The following SPP2 variants were observed in gnomAD, a reference collection of about 807,000 sequenced individuals.
SPP2 encodes the protein secreted phosphoprotein 24.
A neutral mutation model predicts 28.8 loss-of-function variants in SPP2; 34 were observed. The observed-to-expected ratio is 1.18, with a 90% CI of 0.90 to 1.57. The LOEUF is 1.57. SPP2 is among the 40% of genes most tolerant of loss of function. SPP2 has a pLI of 0.00. For missense variants in SPP2, 269 were observed against 263.9 expected, an observed-to-expected ratio of 1.02 and a Z score of -0.13; for synonymous variants, 96 against 89.4, an observed-to-expected ratio of 1.07 and a Z score of -0.42.
rs558844402 is a variant in SPP2, at chr2:234,069,825, A to C, written c.551-103A>C. The C allele has an allele frequency of 3.2e-4, 288 of 902,586 alleles. 1 individual carries two copies. The African/African-American group carries it at 4.3e-3, about 13-fold the overall frequency. 55.9% of individuals were successfully genotyped at this position (902,586 alleles called of 1,614,324 possible). ...TTCTCATGGCAGATGGGTTCAGGTT[A>C]TGCTTGTCACAATCCTCCTCATTAA... On this transcript the variant is annotated intron_variant, in intron 6 of 7. Transcript: ENST00000168148.
At chr2:234,064,105 T>C (rs993230251) in intron 4 of SPP2, among the ~76,000 whole-genome samples, 4 of 151,924 alleles carry the variant, frequency 2.6e-5, no homozygotes, top group Admixed American at 1.3e-4. Context: ...CCTTCTCTCC[T>C]GGCCTCCCCT....
intron 7 of SPP2, among the ~76,000 whole-genome samples, chr2:234,072,700 T>C (rs28904010): frequency 6.6e-6 from 1 of 152,150 alleles, no homozygotes; most frequent in Non-Finnish European, 1.5e-5. Flanking sequence ...AATCACAGAA[T>C]GAGGCTGGTA....
intron 4 of SPP2, among the ~76,000 whole-genome samples, chr2:234,061,401 A>G (rs1693715985): frequency 6.6e-6 from 1 of 152,192 alleles, no homozygotes; most frequent in Non-Finnish European, 1.5e-5. Context: ...AGAAGAGGCC[A>G]TCTCTTCACT....
chr2:234,067,981 G>A (rs1039807934), intron 6 of SPP2, among the ~76,000 whole-genome samples: 1 of 151,560 alleles, frequency 6.6e-6, no homozygotes, highest in Middle Eastern at 3.4e-3. Context: ...ACATTTATGG[G>A]GTACATGAGA....
chr2:234,052,856 T>C (rs1354896), intron 2 of SPP2, among the ~76,000 whole-genome samples: 47,963 of 152,068 alleles, frequency 0.32, 8,056 homozygotes, highest in South Asian at 0.48. Context: ...GATATTTTTT[T>C]CTATTGGGAG....
chr2:234,067,116 T>A lies in SPP2; in HGVS notation c.500-108T>A, dbSNP rs1187263204. On this transcript the variant is annotated intron_variant, in intron 5 of 7. Transcript: ENST00000168148. ...GGCAATAAAACTCAATGGTGATCTC[T>A]CACTGCTTCTTTGCTTAAGAAGCAT... The A allele has an allele frequency of 3.8e-6, 4 of 1,059,986 alleles. No homozygotes were observed. The African/African-American group carries it at 6.3e-5, about 17-fold the overall frequency. 65.7% of individuals were successfully genotyped at this position (1,059,986 alleles called of 1,614,324 possible).
At chr2:234,054,754 T>C (rs1693572519) in intron 2 of SPP2, among the ~76,000 whole-genome samples, 1 of 152,080 alleles carries the variant, frequency 6.6e-6, no homozygotes, top group African/African-American at 2.4e-5. Flanking sequence ...CATTGCAATC[T>C]TTCCAGCTGC....
In SPP2 at chr2:234,051,074, A is replaced by T. The variant is rs1383114452; in HGVS notation, c.189A>T (p.Ala63=). The change falls in exon 2 of 8, where the codon GCA becomes GCT. Residue 63 remains alanine, a synonymous_variant. Coordinates refer to ENST00000168148, the MANE Select transcript of SPP2 (RefSeq NM_006944.3). ...CACTGAGTCCGTATCTGTTTCGGGC[A>T]TTCAGAAGCTCATTAAAAAGAGTAA... The part of the protein sequence containing the change: ...SQSLSPYLFR[A]FRSSLKRVEV... 1 of 1,613,734 alleles carries T rather than the reference A, an allele frequency of 6.2e-7. No individual in the cohort carries two copies. Among genetic ancestry groups the T allele is most frequent in the African/African-American group, 1.3e-5 (1 of 74,912 alleles).
At position 234,067,846 on chromosome 2, in the gene SPP2, A is replaced by G. The variant is rs1256196308; in HGVS notation, c.550+572A>G. Among the ~76,000 whole-genome samples, 4 of 151,074 alleles carry G rather than the reference A, an allele frequency of 2.6e-5. No homozygotes were observed. In the East Asian group the frequency reaches 5.8e-4, roughly 22 times the overall value. On this transcript the variant is annotated intron_variant, in intron 6 of 7. Coordinates refer to ENST00000168148, the MANE Select transcript of SPP2 (RefSeq NM_006944.3). ...CAAAATATCAAATCTGGCTCAGGAA[A>G]TAAGCATTCACCATTTTTTTTTTCT...
intron 7 of SPP2, among the ~76,000 whole-genome samples, chr2:234,073,115 T>C (rs1490293134): frequency 6.6e-6 from 1 of 152,192 alleles, no homozygotes; most frequent in Non-Finnish European, 1.5e-5. Flanking sequence ...CTCAAACTCC[T>C]GACCTCAAGT....
At chr2:234,069,786 C>T (rs772426076) in intron 6 of SPP2, 142 bp from the exon 7 acceptor site, 90 of 619,150 alleles carry the variant, frequency 1.5e-4, no homozygotes, top group Non-Finnish European at 2.4e-4. Context: ...ATGAAGTTAT[C>T]GCACCCTCAG....
chr2:234,060,593 C>G, intron 4 of SPP2, 114 bp downstream of exon 4: 1 of 765,212 alleles, frequency 1.3e-6, no homozygotes, highest in Non-Finnish European at 2.2e-6. Context: ...TTGGGGATGC[C>G]GAACTCTGCT....
chr2:234,066,897 G>A (rs1030307082), intron 5 of SPP2, among the ~76,000 whole-genome samples: 1 of 152,156 alleles, frequency 6.6e-6, no homozygotes, highest in African/African-American at 2.4e-5. Flanking sequence ...AGAATGTCTA[G>A]CTGGGAGGAT....
chr2:234,054,164 C>T (rs948729584), intron 2 of SPP2, among the ~76,000 whole-genome samples: 1 of 151,484 alleles, frequency 6.6e-6, no homozygotes. Flanking sequence ...ATTGGGTGAG[C>T]TGGCAGAGTC....
intron 4 of SPP2, among the ~76,000 whole-genome samples, chr2:234,062,647 GAAAT>G (rs1408904226): frequency 6.6e-6 from 1 of 152,180 alleles, no homozygotes; most frequent in African/African-American, 2.4e-5. Context: ...GAGTAAATAT[GAAAT>G]AAATAAGAGG....
At chr2:234,058,306 A>C (rs1439298069) in intron 2 of SPP2, among the ~76,000 whole-genome samples, 2 of 152,318 alleles carry the variant, frequency 1.3e-5, no homozygotes, top group Admixed American at 6.5e-5. Context: ...AATGCAAAAA[A>C]AGCCACGAAA....
intron 2 of SPP2, among the ~76,000 whole-genome samples, chr2:234,057,091 G>A (rs545633880): frequency 3.3e-5 from 5 of 152,062 alleles, no homozygotes; most frequent in Non-Finnish European, 5.9e-5. Flanking sequence ...TGGATCCTGG[G>A]GGTGTTGTCA....
At chr2:234,074,238 A>T (rs1690852396) in intron 7 of SPP2, among the ~76,000 whole-genome samples, 1 of 152,230 alleles carries the variant, frequency 6.6e-6, no homozygotes, top group South Asian at 2.1e-4. Context: ...TTTGTTTAAG[A>T]AGCATTTGTC....
chr2:234,064,850 G>A (rs1693787397), intron 4 of SPP2, among the ~76,000 whole-genome samples: 1 of 152,176 alleles, frequency 6.6e-6, no homozygotes, highest in Non-Finnish European at 1.5e-5. Context: ...TTAGCATAAT[G>A]TTCTGGAGGT....
Sources: gnomAD v4.1 joint callset for allele counts (sites outside exome capture counted in the v4.1 genomes callset) on GRCh38, gnomAD v4.1.1 for gene constraint, MANE v1.5 for transcripts, NCBI Gene and HGNC (gene_info 2026-07-23, HGNC 2026-07-21) for gene names.